NOL4: variants seen among roughly 807,000 people sequenced by gnomAD.
NOL4 encodes nucleolar protein 4.
NOL4 carries 17 observed loss-of-function variants against 75.9 expected under a neutral mutation model. The observed-to-expected ratio is 0.22, with a 90% CI of 0.15 to 0.34. The LOEUF (loss-of-function observed/expected upper bound fraction) is 0.34, where lower values mean the gene tolerates loss of function less well. Among genes scored for constraint, NOL4 ranks in the 10% least tolerant of loss-of-function variants. NOL4 has a pLI of 1.00. For missense variants in NOL4, 614 were observed against 793.5 expected (o/e 0.77, Z 2.72); for synonymous variants, 292 against 289.9 (o/e 1.01, Z -0.07).
chr18:34,022,405 A>G (rs1297375033), intron 5 of NOL4, among the ~76,000 whole-genome samples: 1 of 152,062 alleles, frequency 6.6e-6, no homozygotes, highest in Non-Finnish European at 1.5e-5. Flanking sequence ...GGTACTTTCC[A>G]TAGGTATTAA....
intron 2 of NOL4, among the ~76,000 whole-genome samples, chr18:34,107,016 T>C (rs2079320240): frequency 6.6e-6 from 1 of 152,158 alleles, no homozygotes; most frequent in East Asian, 1.9e-4. Flanking sequence ...ATCTACTTTA[T>C]AAAAGAGAAA....
chr18:33,885,627 C>G (rs781037249), intron 9 of NOL4, among the ~76,000 whole-genome samples: 2 of 152,116 alleles, frequency 1.3e-5, no homozygotes, highest in Middle Eastern at 3.2e-3. Context: ...GAGGTATCAT[C>G]TCGCCCCAGT....
intron 5 of NOL4, among the ~76,000 whole-genome samples, chr18:34,063,044 G>T (rs932865020): frequency 6.6e-6 from 1 of 152,008 alleles, no homozygotes; most frequent in Non-Finnish European, 1.5e-5. Flanking sequence ...CTTCTGAAAA[G>T]GTAGAGAAGA....
At chr18:34,122,482 C>G (rs1418351972) in intron 2 of NOL4, among the ~76,000 whole-genome samples, 1 of 152,030 alleles carries the variant, frequency 6.6e-6, no homozygotes. Context: ...AAAAACAACT[C>G]CATATTAAAA....
chr18:34,084,302 G>A (rs891484828), intron 5 of NOL4, among the ~76,000 whole-genome samples: 1 of 152,050 alleles, frequency 6.6e-6, no homozygotes, highest in Admixed American at 6.5e-5. Context: ...TACTGCGGTC[G>A]CCCTTCCTCC....
At chr18:34,094,786 C>G (rs1260137932) in intron 4 of NOL4, among the ~76,000 whole-genome samples, 1 of 152,106 alleles carries the variant, frequency 6.6e-6, no homozygotes. Context: ...TTTATCACAA[C>G]TATGAATTAG....
intron 9 of NOL4, among the ~76,000 whole-genome samples, chr18:33,936,407 GTTTTTT>G: frequency 8.0e-6 from 1 of 124,870 alleles, no homozygotes; most frequent in Non-Finnish European, 1.7e-5. Flanking sequence ...TTAGCAGTGA[GTTTTTT>G]TTTTTTTTTT....
chr18:34,019,515 C>G lies in NOL4; in HGVS notation c.859G>C (p.Gly287Arg). ...ASGGTHSREM[G>R]DSNSDGKTGL... is the part of the protein sequence containing the mutation. The stretch of plus-strand genomic sequence containing the variant: ...GTTTTGCCATCACTGTTGGAGTCTC[C>G]CATCTCCCTGCTGTGTGTTCCCCCT... The change falls in exon 6 of 11, where the codon GGA (glycine) becomes CGA (arginine). Residue 287 changes from glycine to arginine, a missense_variant. Transcript: ENST00000261592. The G allele has an allele frequency of 6.2e-7, 1 of 1,614,002 alleles. No individual in the cohort carries two copies. Among genetic ancestry groups the G allele is most frequent in the Non-Finnish European group, 8.5e-7 (1 of 1,179,970 alleles).
intron 10 of NOL4, among the ~76,000 whole-genome samples, chr18:33,881,072 C>A (rs1290203183): frequency 6.2e-5 from 9 of 146,268 alleles, no homozygotes; most frequent in Non-Finnish European, 1.2e-4. Flanking sequence ...CAAAAAAACA[C>A]AATCTCACAT....
At chr18:34,075,284 A>G (rs1225113604) in intron 5 of NOL4, among the ~76,000 whole-genome samples, 1 of 152,178 alleles carries the variant, frequency 6.6e-6, no homozygotes, top group African/African-American at 2.4e-5. Flanking sequence ...AGTTAACTTT[A>G]CCCAACATTC....
chr18:34,044,010 T>C (rs1181516766), intron 5 of NOL4, among the ~76,000 whole-genome samples: 2 of 152,168 alleles, frequency 1.3e-5, no homozygotes, highest in African/African-American at 4.8e-5. Flanking sequence ...AAATTGTAAC[T>C]GCTCATTCTT....
At chr18:34,008,387 ATC>A (rs2074172168) in intron 6 of NOL4, among the ~76,000 whole-genome samples, 1 of 151,416 alleles carries the variant, frequency 6.6e-6, no homozygotes, top group Non-Finnish European at 1.5e-5. Flanking sequence ...CTATCTATCT[ATC>A]TATCTATCTA....
chr18:33,940,786 A>G (rs2068425858), intron 9 of NOL4, among the ~76,000 whole-genome samples: 1 of 152,010 alleles, frequency 6.6e-6, no homozygotes, highest in Admixed American at 6.6e-5. Context: ...CTCCATTCCT[A>G]GAAACAGAGC....
chr18:33,938,859 T>G (rs1169126119), intron 9 of NOL4, among the ~76,000 whole-genome samples: 1 of 152,162 alleles, frequency 6.6e-6, no homozygotes, highest in Non-Finnish European at 1.5e-5. Flanking sequence ...TCCATGCCTA[T>G]GTCCCAAATG....
At chr18:34,203,713 T>TCA (rs1408909635) in intron 1 of NOL4, among the ~76,000 whole-genome samples, 765 of 62,604 alleles carry the variant, frequency 0.012, 5 homozygotes, top group African/African-American at 0.032. Flanking sequence ...TCTCTCTCTC[T>TCA]CTCTCACACA....
chr18:33,929,262 A>C (rs2145388756), intron 9 of NOL4, among the ~76,000 whole-genome samples: 1 of 152,240 alleles, frequency 6.6e-6, no homozygotes, highest in East Asian at 1.9e-4. Flanking sequence ...TTCCTCCATA[A>C]GAAACTGCTG....
intron 1 of NOL4, among the ~76,000 whole-genome samples, chr18:34,164,883 C>T (rs2032101225): frequency 1.3e-5 from 2 of 152,046 alleles, no homozygotes; most frequent in African/African-American, 4.8e-5. Context: ...AAATGTGGCA[C>T]ATATACACCA....
At chr18:33,892,426 C>G (rs116472828) in intron 9 of NOL4, among the ~76,000 whole-genome samples, 1 of 151,932 alleles carries the variant, frequency 6.6e-6, no homozygotes, top group South Asian at 2.1e-4. Context: ...GTGAGACCAT[C>G]TCTCTAAATG....
At chr18:33,905,267 G>A (rs1027042817) in intron 9 of NOL4, among the ~76,000 whole-genome samples, 1 of 152,098 alleles carries the variant, frequency 6.6e-6, no homozygotes, top group Non-Finnish European at 1.5e-5. Flanking sequence ...ACCAGGAGGG[G>A]TCTTCTTAAA....
Sources: allele counts gnomAD v4.1 joint callset (sites outside exome capture counted in the v4.1 genomes callset), GRCh38; gene constraint gnomAD v4.1.1; transcripts MANE v1.5; gene names NCBI Gene and HGNC (gene_info 2026-07-23, HGNC 2026-07-21).